PPP1R9A: variants seen among roughly 807,000 people sequenced by gnomAD.
The protein encoded by PPP1R9A is neurabin-1.
Under a neutral mutation model 141.9 loss-of-function variants are expected in PPP1R9A, and 59 were observed. The observed-to-expected ratio is 0.42, with a 90% confidence interval of 0.34 to 0.52. PPP1R9A has a LOEUF of 0.52. Ranked by LOEUF, PPP1R9A falls within the 20% of genes least tolerant of loss-of-function variation. PPP1R9A has a pLI of 0.10. For missense variants in PPP1R9A, 1,444 were observed against 1,611.9 expected, an observed-to-expected ratio of 0.90 and a Z score of 1.78; for synonymous variants, 500 against 569.7, an observed-to-expected ratio of 0.88 and a Z score of 1.74.
At chr7:95,142,154 A>G (rs1826816260) in intron 4 of PPP1R9A, among the ~76,000 whole-genome samples, 2 of 151,912 alleles carry the variant, frequency 1.3e-5, no homozygotes, top group Non-Finnish European at 2.9e-5. Context: ...CCATTTTTAT[A>G]TCTACTTTGG....
chr7:94,994,263 C>T (rs1057170889), intron 2 of PPP1R9A, among the ~76,000 whole-genome samples: 1 of 152,020 alleles, frequency 6.6e-6, no homozygotes, highest in Admixed American at 6.6e-5. Context: ...CATTCCTTCC[C>T]GCTGGGTATA....
At position 95,284,199 on chromosome 7, in the gene PPP1R9A, G is replaced by A. The variant is rs778169775; in HGVS notation, c.3478G>A (p.Asp1160Asn). Residue 1160 changes from aspartate to asparagine, a missense_variant, in exon 17 of 20, where the codon GAT (aspartate) becomes AAT (asparagine). Physicochemically the swap from Asp to Asn is conservative, Grantham distance 23. Transcript: ENST00000433360. ...LQPSPETLIS[D>N]KKGSKVENTW... The stretch of plus-strand genomic sequence containing the variant: ...GCCTTCTCCTGAGACTCTAATTTCA[G>A]ATAAAAAGGGGTCCAAGGTAGAAAA... The A allele has an allele frequency of 2.5e-6, 4 of 1,578,840 alleles. No homozygotes were observed. The South Asian group carries it at 4.4e-5, about 17-fold the overall frequency.
chr7:95,015,227 TAC>T lies in PPP1R9A; in HGVS notation c.1396-96012_1396-96011del, dbSNP rs71537250. 4.1e-3 allele frequency among the ~76,000 whole-genome samples: 609 copies of T among 148,880 alleles called. 2 individuals carry two copies. The highest frequency in any genetic ancestry group is 6.9e-3 in the Middle Eastern group (2 of 290). On this transcript the variant is annotated intron_variant, in intron 2 of 19. Coordinates refer to ENST00000433360, the MANE Select transcript of PPP1R9A (RefSeq NM_001166160.2). ...ATATGTACACACACGAATATATATA[TAC>T]ACACACACACACACACACATACACA...
chr7:94,984,226 G>C (rs1169638720), intron 2 of PPP1R9A, among the ~76,000 whole-genome samples: 1 of 152,160 alleles, frequency 6.6e-6, no homozygotes, highest in East Asian at 1.9e-4. Flanking sequence ...TGCTGGATTC[G>C]GTTTGCCAAT....
At chr7:95,196,292 C>T (rs1318501313) in intron 5 of PPP1R9A, among the ~76,000 whole-genome samples, 1 of 152,040 alleles carries the variant, frequency 6.6e-6, no homozygotes, top group African/African-American at 2.4e-5. Flanking sequence ...AAGATACCTA[C>T]TAGAATGGCC....
intron 2 of PPP1R9A, among the ~76,000 whole-genome samples, chr7:94,996,268 A>T (rs1802159220): frequency 6.6e-6 from 1 of 152,208 alleles, no homozygotes; most frequent in South Asian, 2.1e-4. Context: ...ATAAGAAATG[A>T]TTTATTATAC....
intron 2 of PPP1R9A, among the ~76,000 whole-genome samples, chr7:94,994,404 A>G (rs1292266077): frequency 6.6e-6 from 1 of 152,148 alleles, no homozygotes; most frequent in African/African-American, 2.4e-5. Context: ...GTATTTTGGG[A>G]TATAATGTCC....
In PPP1R9A at chr7:94,910,644, TTCCAAG is replaced by T. The variant is rs1442779937; in HGVS notation, c.537_542del (p.Lys179_Ser180del). 4 of 1,610,876 alleles carry T rather than the reference TTCCAAG, an allele frequency of 2.5e-6. No individual in the cohort carries two copies. In the African/African-American group the frequency reaches 4.1e-5, roughly 16 times the overall value. On this transcript the variant is annotated inframe_deletion, in exon 2 of 20. Coordinates refer to ENST00000433360, the MANE Select transcript of PPP1R9A (RefSeq NM_001166160.2). This position sits in a 1 kb window ranked among gnomAD's most constrained non-coding sequence, Gnocchi z 4.5. ...GTGAACCTCAGGATGAATGGGGAGG[TTCCAAG>T]TCCAACAGAGGCAGTACTGATTCCT...
At chr7:94,925,768 C>T (rs1172464918) in intron 2 of PPP1R9A, among the ~76,000 whole-genome samples, 1 of 152,030 alleles carries the variant, frequency 6.6e-6, no homozygotes, top group African/African-American at 2.4e-5. Context: ...TGCCCTTTCT[C>T]CTTCCTCTTC....
At chr7:94,927,638 G>A (rs1187292998) in intron 2 of PPP1R9A, among the ~76,000 whole-genome samples, 3 of 152,110 alleles carry the variant, frequency 2.0e-5, no homozygotes, top group Admixed American at 6.6e-5. Flanking sequence ...TGTTGATTTC[G>A]AGCTCTGCTG....
intron 2 of PPP1R9A, among the ~76,000 whole-genome samples, chr7:95,096,834 C>A (rs1056008113): frequency 6.6e-6 from 1 of 152,118 alleles, no homozygotes; most frequent in Non-Finnish European, 1.5e-5. Context: ...ACACATACTA[C>A]CCCCAACCCG....
At chr7:95,014,912 C>T (rs929747430) in intron 2 of PPP1R9A, among the ~76,000 whole-genome samples, 1 of 151,914 alleles carries the variant, frequency 6.6e-6, no homozygotes, top group Non-Finnish European at 1.5e-5. Context: ...GTGTTTTGCT[C>T]GAATTATCCC....
At chr7:95,095,250 G>A (rs561121430) in intron 2 of PPP1R9A, among the ~76,000 whole-genome samples, 1 of 152,244 alleles carries the variant, frequency 6.6e-6, no homozygotes, top group East Asian at 1.9e-4. Flanking sequence ...TTTTTCTAGT[G>A]TGTTCTTTTA....
chr7:95,091,657 G>C (rs1817362757), intron 2 of PPP1R9A, among the ~76,000 whole-genome samples: 1 of 151,634 alleles, frequency 6.6e-6, no homozygotes, highest in South Asian at 2.1e-4. Context: ...AATCTTTGTA[G>C]ATGAAAAATT....
At position 95,271,354 on chromosome 7, in the gene PPP1R9A, G is replaced by A. The variant is rs4729179; in HGVS notation, c.3124+1847G>A. 7.0e-3 allele frequency among the ~76,000 whole-genome samples: 1,068 copies of A among 152,248 alleles called. 27 individuals are homozygous for A. The highest frequency in any genetic ancestry group is 0.039 in the Admixed American group (603 of 15,282). On this transcript the variant is annotated intron_variant, in intron 14 of 19. Transcript: ENST00000433360. ...CTATGAGGTGGTGCCCTCTAAAGAG[G>A]AGCAGTAGACAGTGACAGGAAAGAA...
chr7:95,218,843 G>A (rs1447902325), intron 7 of PPP1R9A, among the ~76,000 whole-genome samples: 1 of 151,810 alleles, frequency 6.6e-6, no homozygotes, highest in Non-Finnish European at 1.5e-5. Flanking sequence ...CCATCCCTTT[G>A]TTTTGAGCCT....
chr7:95,038,721 T>C (rs1316790197), intron 2 of PPP1R9A, among the ~76,000 whole-genome samples: 1 of 152,170 alleles, frequency 6.6e-6, no homozygotes, highest in Non-Finnish European at 1.5e-5. Flanking sequence ...CTAAAAGACA[T>C]TCTGTAATCT....
chr7:95,044,547 ATTTT>A (rs113379313), intron 2 of PPP1R9A, among the ~76,000 whole-genome samples: 3 of 132,200 alleles, frequency 2.3e-5, no homozygotes, highest in African/African-American at 2.8e-5. Context: ...TTTTTTCAGG[ATTTT>A]TTTTTTTTTT....
At chr7:95,015,549 T>A (rs920969694) in intron 2 of PPP1R9A, among the ~76,000 whole-genome samples, 15 of 152,122 alleles carry the variant, frequency 9.9e-5, no homozygotes, top group Non-Finnish European at 1.8e-4. Context: ...AAAGTAGAGA[T>A]AAAAGATTGA....
Sources: gnomAD v4.1 joint callset for allele counts (sites outside exome capture counted in the v4.1 genomes callset) on GRCh38, gnomAD v4.1.1 for gene constraint, Gnocchi (gnomAD v3.1) non-coding constraint, MANE v1.5 for transcripts, NCBI Gene and HGNC (gene_info 2026-07-23, HGNC 2026-07-21) for gene names.